Variants in FRMPD4 observed in about 807,000 individuals in gnomAD.
FRMPD4 encodes FERM and PDZ domain-containing protein 4.
In FRMPD4, 22 loss-of-function variants were observed where a neutral mutation model predicts 94.1. The ratio of observed to expected loss-of-function variants is 0.23; its 90% CI spans 0.17 to 0.33. The LOEUF (loss-of-function observed/expected upper bound fraction) is 0.33, where lower values mean the gene tolerates loss of function less well. Ranked by LOEUF, FRMPD4 falls within the 10% of genes least tolerant of loss-of-function variation. FRMPD4 has a pLI of 1.00. For synonymous variants in FRMPD4, 631 were observed against 548.6 expected, an observed-to-expected ratio of 1.15 and a Z score of -2.10; for missense variants, 1,111 against 1,339.9, an observed-to-expected ratio of 0.83 and a Z score of 2.67.
At chrX:11,840,719 T>A (rs1163591438) in intron 1 of FRMPD4, among the ~76,000 whole-genome samples, 2 of 90,578 alleles carry the variant, frequency 2.2e-5, no homozygotes, top group Admixed American at 2.4e-4. Flanking sequence ...CTTTATATTT[T>A]TATTTTTTAT....
chrX:12,461,069 A>G (rs913979462), intron 1 of FRMPD4, among the ~76,000 whole-genome samples: 3 of 111,837 alleles, frequency 2.7e-5, no homozygotes, highest in Non-Finnish European at 3.8e-5. Context: ...CTTCTTTAGC[A>G]AAGTTAAAAG....
chrX:12,469,945 A>G (rs1395809165), intron 1 of FRMPD4, among the ~76,000 whole-genome samples: 2 of 112,272 alleles, frequency 1.8e-5, no homozygotes, highest in Non-Finnish European at 3.8e-5. Context: ...GACAAAAACT[A>G]TCAGTCATTT....
chrX:12,098,556 G>C lies in FRMPD4; in HGVS notation c.95+220538G>C, dbSNP rs1456077299. ...CTCTATTTTGTTTTGTTTGGGGACTGAATAATCCAAAACTAGCAGGATAAA... is the reference window on the plus strand; with the variant it reads ...CTCTATTTTGTTTTGTTTGGGGACTCAATAATCCAAAACTAGCAGGATAAA... On this transcript the variant is annotated intron_variant, in intron 3 of 18. Coordinates refer to the FRMPD4 transcript ENST00000640291. 2.7e-5 allele frequency among the ~76,000 whole-genome samples: 3 copies of C among 112,366 alleles called. No homozygotes were observed. In the Admixed American group the frequency reaches 2.8e-4, roughly 11 times the overall value.
intron 4 of FRMPD4, among the ~76,000 whole-genome samples, chrX:12,633,179 AC>A (rs978915572): frequency 5.4e-5 from 6 of 112,034 alleles, no homozygotes; most frequent in African/African-American, 1.9e-4. Context: ...CAGGAGGTAA[AC>A]CCAGTGTCTA....
Position 12,721,995 on chromosome X carries a change from C to A in FRMPD4, c.*137C>A. 6.3e-6 allele frequency: 1 copy of A among 159,342 alleles called. No homozygotes were observed. The highest frequency in any genetic ancestry group is 1.0e-5 in the Non-Finnish European group (1 of 95,326). The allele number at this position is 159,342 out of a possible 1,213,427, so 13.1% of individuals were successfully genotyped here. A position where few individuals can be genotyped will look rare whatever the true frequency, so the allele number is the denominator to read the frequency against. On this transcript the variant is annotated 3_prime_UTR_variant, in exon 17 of 17. Transcript: ENST00000675598. ...TTTATATAAAATAGGAGATAAAAGT[C>A]ACATTGATGAAATGTTGAAATGTAC...
chrX:12,392,530 G>A (rs941664093), intron 1 of FRMPD4, among the ~76,000 whole-genome samples: 1 of 109,084 alleles, frequency 9.2e-6, no homozygotes, highest in Non-Finnish European at 1.9e-5. Flanking sequence ...GTGCTTGCCT[G>A]TAGTCCGGAC....
At chrX:12,106,902 A>C (rs1403806622) in intron 3 of FRMPD4, among the ~76,000 whole-genome samples, 1 of 111,860 alleles carries the variant, frequency 8.9e-6, no homozygotes, top group Admixed American at 9.4e-5. Context: ...AGTCACCAGG[A>C]AGCTCGAAGT....
intron 1 of FRMPD4, among the ~76,000 whole-genome samples, chrX:12,355,040 G>T (rs1316477447): frequency 8.9e-6 from 1 of 112,102 alleles, no homozygotes; most frequent in Non-Finnish European, 1.9e-5. Flanking sequence ...TTATAGTATG[G>T]ATAGCATGGC....
intron 3 of FRMPD4, among the ~76,000 whole-genome samples, chrX:12,022,802 T>C (rs1405433241): frequency 9.0e-6 from 1 of 110,530 alleles, no homozygotes; most frequent in Non-Finnish European, 1.9e-5. Context: ...CAAACCAGAG[T>C]CAAGAAGGAG....
chrX:12,364,778 A>G (rs2056049798), intron 1 of FRMPD4, among the ~76,000 whole-genome samples: 1 of 111,933 alleles, frequency 8.9e-6, no homozygotes, highest in East Asian at 2.8e-4. Context: ...CCCCCGCCCT[A>G]CCACCAACAA....
chrX:12,170,117 A>G (rs1455573286), intron 1 of FRMPD4, among the ~76,000 whole-genome samples: 5 of 110,949 alleles, frequency 4.5e-5, no homozygotes, highest in African/African-American at 1.6e-4. Flanking sequence ...ATTTTCTTCC[A>G]AGCTACTGAA....
chrX:12,680,646 G>A (rs575191431), intron 5 of FRMPD4, among the ~76,000 whole-genome samples: 1 of 112,152 alleles, frequency 8.9e-6, no homozygotes, highest in Non-Finnish European at 1.9e-5. Flanking sequence ...TTTACCCCGA[G>A]TCTGTTGACT....
chrX:12,621,964 GAAAGAGAA>G (rs2059294358), intron 4 of FRMPD4, among the ~76,000 whole-genome samples: 1 of 81,559 alleles, frequency 1.2e-5, no homozygotes, highest in African/African-American at 5.1e-5. Flanking sequence ...GAGAAAGAAA[GAAAGAGAA>G]AGAAAGAAAG....
chrX:12,224,267 G>A (rs1007250522), intron 1 of FRMPD4, among the ~76,000 whole-genome samples: 6 of 111,051 alleles, frequency 5.4e-5, no homozygotes, highest in African/African-American at 2.0e-4. Context: ...CTTATTTTTT[G>A]AGACAAGGTC....
intron 2 of FRMPD4, among the ~76,000 whole-genome samples, chrX:12,531,887 C>T (rs2058289244): frequency 8.9e-6 from 1 of 111,813 alleles, no homozygotes; most frequent in African/African-American, 3.2e-5. Flanking sequence ...TTACCACTCC[C>T]TCCTGCTTTT....
chrX:12,707,369 C>T, intron 12 of FRMPD4, 100 bp from the exon 13 acceptor site: 3 of 689,891 alleles, frequency 4.3e-6, no homozygotes, highest in Non-Finnish European at 6.5e-6. Context: ...GAAACACTTT[C>T]TAAAGAAAAT....
intron 1 of FRMPD4, among the ~76,000 whole-genome samples, chrX:12,474,330 C>T (rs1049535237): frequency 9.0e-6 from 1 of 110,704 alleles, no homozygotes; most frequent in Non-Finnish European, 1.9e-5. Context: ...GGGAAATTTA[C>T]AGCACTAAAT....
intron 1 of FRMPD4, among the ~76,000 whole-genome samples, chrX:12,475,526 C>G (rs1444078234): frequency 9.0e-6 from 1 of 111,583 alleles, no homozygotes. Context: ...TCAAATTGTC[C>G]CTGTTTGCAG....
At position 12,723,546 on chromosome X, in the gene FRMPD4, A is replaced by T. The variant is rs1385498916; in HGVS notation, c.*1688A>T. ...AATAATAAAACATTATTTCATTACAATTATAATTATAAATATTGGTGTTTT... is the reference window on the plus strand; with the variant it reads ...AATAATAAAACATTATTTCATTACATTTATAATTATAAATATTGGTGTTTT... On this transcript the variant is annotated 3_prime_UTR_variant, in exon 17 of 17. Coordinates refer to ENST00000675598, the MANE Select transcript of FRMPD4 (RefSeq NM_001368397.1). 1 of 112,105 alleles carries T rather than the reference A, an allele frequency of 8.9e-6. No homozygotes were observed. The highest frequency in any genetic ancestry group is 1.9e-5 in the Non-Finnish European group (1 of 53,266). The allele number at this position is 112,105 out of a possible 1,213,427, so 9.2% of individuals were successfully genotyped here.
Sources: gnomAD v4.1 joint callset for allele counts (sites outside exome capture counted in the v4.1 genomes callset) on GRCh38, gnomAD v4.1.1 for gene constraint, MANE v1.5 for transcripts, NCBI Gene and HGNC (gene_info 2026-07-23, HGNC 2026-07-21) for gene names.